Variants in STK32B observed in about 807,000 individuals in gnomAD.
The protein encoded by STK32B is serine/threonine kinase 32B, also known as serine/threonine-protein kinase 32B.
STK32B carries 43 observed loss-of-function variants against 52.6 expected under a neutral mutation model. The observed-to-expected ratio is 0.82, with a 90% CI of 0.64 to 1.05. The LOEUF is 1.05. Among genes scored for constraint, STK32B ranks in the 50% least tolerant of loss-of-function variants. The pLI is 0.00. For synonymous variants in STK32B, 238 were observed against 204.3 expected, an observed-to-expected ratio of 1.17 and a Z score of -1.41; for missense variants, 621 against 534.6, an observed-to-expected ratio of 1.16 and a Z score of -1.59.
chr4:5,160,215 C>G (rs1718329026), intron 2 of STK32B, among the ~76,000 whole-genome samples: 1 of 152,206 alleles, frequency 6.6e-6, no homozygotes, highest in South Asian at 2.1e-4. Flanking sequence ...GGCCGCTTTG[C>G]ACATCTCCAC....
intron 3 of STK32B, among the ~76,000 whole-genome samples, 167 bp downstream of exon 3, chr4:5,168,617 A>G (rs111292729): frequency 7.0e-4 from 107 of 152,372 alleles, no homozygotes; most frequent in African/African-American, 2.3e-3. Flanking sequence ...GATGAAGTCT[A>G]TAGGCATATG....
chr4:5,432,424 A>C (rs1456463768), intron 6 of STK32B: 1 of 152,204 alleles, frequency 6.6e-6, no homozygotes, highest in Non-Finnish European at 1.5e-5. Context: ...GTTTGGTAAG[A>C]ATCTAGACCG....
chr4:5,245,111 A>C (rs1725345553), intron 3 of STK32B, among the ~76,000 whole-genome samples: 1 of 152,130 alleles, frequency 6.6e-6, no homozygotes, highest in Non-Finnish European at 1.5e-5. Flanking sequence ...AGCTGAGTTC[A>C]ATTCCTGGAT....
intron 3 of STK32B, among the ~76,000 whole-genome samples, chr4:5,312,856 T>C (rs949189688): frequency 1.1e-4 from 16 of 151,912 alleles, no homozygotes; most frequent in African/African-American, 3.1e-4. Context: ...CCTGAGGAAT[T>C]GCCACAGTGA....
chr4:5,052,659 A>G (rs928180770), intron 1 of STK32B, among the ~76,000 whole-genome samples: 2 of 152,192 alleles, frequency 1.3e-5, no homozygotes, highest in Non-Finnish European at 2.9e-5. Flanking sequence ...AATGTGAGTT[A>G]TGATACCACT....
chr4:5,351,377 A>G (rs989566758), intron 4 of STK32B, among the ~76,000 whole-genome samples: 3 of 152,142 alleles, frequency 2.0e-5, no homozygotes, highest in Non-Finnish European at 4.4e-5. Context: ...AGTTCAAGAA[A>G]GAAGTTAAGG....
At chr4:5,144,170 C>T (rs901166494) in intron 2 of STK32B, among the ~76,000 whole-genome samples, 5 of 152,112 alleles carry the variant, frequency 3.3e-5, no homozygotes, top group Non-Finnish European at 5.9e-5. Context: ...GGCAGTGTGG[C>T]GCAACACAGA....
At chr4:5,276,427 A>G (rs745454932) in intron 3 of STK32B, among the ~76,000 whole-genome samples, 30 of 152,262 alleles carry the variant, frequency 2.0e-4, no homozygotes, top group Non-Finnish European at 4.0e-4. Context: ...TGCCCTTGCC[A>G]TGGAAGGGTT....
chr4:5,400,465 A>G lies in STK32B; in HGVS notation c.472+2221A>G, dbSNP rs112468314. Among the ~76,000 whole-genome samples the G allele has an allele frequency of 1.3e-3, 204 of 152,132 alleles. 1 individual carries two copies. Among genetic ancestry groups the G allele is most frequent in the African/African-American group, 4.4e-3 (182 of 41,506 alleles). On this transcript the variant is annotated intron_variant, in intron 5 of 11. Transcript: ENST00000282908. This position sits in a 1 kb window ranked among gnomAD's most constrained non-coding sequence, Gnocchi z 6.1. ...TATGCAGCACCCCACACACTCCCCA[A>G]GTGCCCCTGCATCCAGTCTTCTCCC...
chr4:5,160,070 C>G (rs537680610), intron 2 of STK32B, among the ~76,000 whole-genome samples: 27 of 152,200 alleles, frequency 1.8e-4, no homozygotes, highest in Non-Finnish European at 3.5e-4. Context: ...TAATATCAAC[C>G]TCACCCCAAA....
chr4:5,103,981 A>C (rs1461399029), intron 1 of STK32B, among the ~76,000 whole-genome samples: 1 of 152,158 alleles, frequency 6.6e-6, no homozygotes. Context: ...GTTGAGTAGC[A>C]TCTATAATAA....
rs1450012131 is a variant in STK32B at position 5,420,882 on chromosome 4, G to C, written c.562+3948G>C. The stretch of plus-strand genomic sequence containing the variant: ...ATCCTGGACCACTGGAGAAGTTCGA[G>C]ACAGTTTTTTTGTTTTGTTTTGTTT... On this transcript the variant is annotated intron_variant, in intron 6 of 11. Transcript: ENST00000282908. 1.5e-4 allele frequency among the ~76,000 whole-genome samples: 18 copies of C among 122,476 alleles called. No individual in the cohort carries two copies. The Admixed American group carries it at 1.5e-3, about 10-fold the overall frequency. The allele number at this position is 122,476 out of a possible 152,430, so 80.3% of individuals were successfully genotyped here. A position where few individuals can be genotyped will look rare whatever the true frequency, so the allele number is the denominator to read the frequency against.
At chr4:5,232,450 G>A (rs1724338176) in intron 3 of STK32B, among the ~76,000 whole-genome samples, 1 of 152,208 alleles carries the variant, frequency 6.6e-6, no homozygotes, top group African/African-American at 2.4e-5. Flanking sequence ...TTTCACAATT[G>A]AGGGACACGA....
At chr4:5,454,914 T>TA (rs961321784) in intron 7 of STK32B, among the ~76,000 whole-genome samples, 8 of 152,142 alleles carry the variant, frequency 5.3e-5, no homozygotes, top group South Asian at 4.2e-4. Context: ...CCCATTAGAT[T>TA]AAAAAAAATT....
At chr4:5,332,299 A>C (rs1732310562) in intron 4 of STK32B, among the ~76,000 whole-genome samples, 1 of 152,148 alleles carries the variant, frequency 6.6e-6, no homozygotes, top group Non-Finnish European at 1.5e-5. Flanking sequence ...AAAGATGTAG[A>C]GTGATCGATG....
intron 1 of STK32B, among the ~76,000 whole-genome samples, chr4:5,076,302 A>G (rs1712071869): frequency 6.6e-6 from 1 of 152,206 alleles, no homozygotes; most frequent in Non-Finnish European, 1.5e-5. Context: ...TTATATTTTA[A>G]CAATTGCATA....
At chr4:5,243,054 G>A (rs1560253007) in intron 3 of STK32B, among the ~76,000 whole-genome samples, 1 of 152,116 alleles carries the variant, frequency 6.6e-6, no homozygotes. Flanking sequence ...TTGACTTGGT[G>A]ATGCGGGCTC....
chr4:5,304,232 G>T (rs116520887), intron 3 of STK32B, among the ~76,000 whole-genome samples: 1,607 of 152,044 alleles, frequency 0.011, 29 homozygotes, highest in African/African-American at 0.037. Context: ...GTGATATATT[G>T]ATGGGAATTG....
intron 1 of STK32B, among the ~76,000 whole-genome samples, chr4:5,124,230 C>T (rs60001306): frequency 3.9e-5 from 6 of 152,264 alleles, no homozygotes; most frequent in African/African-American, 7.2e-5. Context: ...CCGAAATCTC[C>T]GGCTGTTCTA....
Sources: gnomAD v4.1 joint callset for allele counts (sites outside exome capture counted in the v4.1 genomes callset) on GRCh38, gnomAD v4.1.1 for gene constraint, Gnocchi (gnomAD v3.1) non-coding constraint, MANE v1.5 for transcripts, NCBI Gene and HGNC (gene_info 2026-07-23, HGNC 2026-07-21) for gene names.